CPT1B: variants seen among roughly 807,000 people sequenced by gnomAD.
CPT1B encodes carnitine O-palmitoyltransferase 1, muscle isoform.
Under a neutral mutation model 92.7 loss-of-function variants are expected in CPT1B, and 57 were observed. The ratio of observed to expected loss-of-function variants is 0.62; its 90% confidence interval spans 0.50 to 0.77. The LOEUF is 0.77. Ranked by LOEUF, CPT1B falls within the 30% of genes least tolerant of loss-of-function variation. The pLI, the probability that CPT1B is intolerant of heterozygous loss-of-function variation, is 0.00. For missense variants in CPT1B, 983 were observed against 1,017.4 expected, an observed-to-expected ratio of 0.97 and a Z score of 0.46; for synonymous variants, 398 against 383.5, an observed-to-expected ratio of 1.04 and a Z score of -0.44.
chr22:50,577,055 C>T, intron 3 of CPT1B, 21 bp from the exon 4 acceptor site: 1 of 1,611,502 alleles, frequency 6.2e-7, no homozygotes, highest in Non-Finnish European at 8.5e-7. Flanking sequence ...GGGGCAAGGG[C>T]TGCAGGGGGT....
In CPT1B at chr22:50,573,810, T is replaced by C; in HGVS notation, c.971-95A>G. 8.5e-7 allele frequency: 1 copy of C among 1,181,434 alleles called. No individual in the cohort carries two copies. The highest frequency in any genetic ancestry group is 1.2e-6 in the Non-Finnish European group (1 of 809,382). 73.2% of individuals were successfully genotyped at this position (1,181,434 alleles called of 1,614,324 possible). A position where few individuals can be genotyped will look rare whatever the true frequency, so the allele number is the denominator to read the frequency against. On this transcript the variant is annotated intron_variant, in intron 9 of 19. Coordinates refer to ENST00000312108, the MANE Select transcript of CPT1B (RefSeq NM_152246.3). The surrounding 1 kb of genome is among the most constrained non-coding windows in gnomAD (Gnocchi z 5.0). ...TGCACTAGGTGACCCCTGCAGACCC[T>C]GTTTTGCTCGGCCTCTGCCTGGGCC...
At chr22:50,576,660 T>C in intron 4 of CPT1B, 23 bp from the exon 5 acceptor site, 1 of 1,607,116 alleles carries the variant, frequency 6.2e-7, no homozygotes, top group East Asian at 2.2e-5. Context: ...AGCAGAGTGC[T>C]GGGGTGGGAG....
intron 1 of CPT1B, 105 bp downstream of exon 1, chr22:50,578,281 C>T (rs1413708943): frequency 6.5e-6 from 1 of 152,674 alleles, no homozygotes; most frequent in African/African-American, 2.4e-5. Flanking sequence ...GTTCGGGAGC[C>T]CGCCCTTCCC....
Position 50,574,411 on chromosome 22 carries a change from T to A in CPT1B, c.894A>T (p.Ala298=). Residue 298 remains alanine, a synonymous_variant, in exon 9 of 20, where the codon GCA becomes GCT. Transcript: ENST00000312108. ...LDREEIKPVM[A]LGIVPMCSYQ... ...AGGAGCACATAGGCACTATGCCCAG[T>A]GCCATCACCTGAGGGAAGGCCCAGC... The A allele has an allele frequency of 6.2e-7, 1 of 1,614,080 alleles. No homozygotes were observed. The highest frequency in any genetic ancestry group is 8.5e-7 in the Non-Finnish European group (1 of 1,180,008).
chr22:50,576,243 C>T lies in CPT1B; in HGVS notation c.654G>A (p.Arg218=). 1 of 1,614,110 alleles carries T rather than the reference C, an allele frequency of 6.2e-7. No homozygotes were observed. Among genetic ancestry groups the T allele is most frequent in the Non-Finnish European group, 8.5e-7 (1 of 1,180,036 alleles). ...ACTTGAGCACCAGGTATTTCTGCAG[C>T]CTGGGGGCAGTCTTGTCCTGGAATT... ...AKEFQDKTAP[R]LQKYLVLKSW... Residue 218 remains arginine (R), a synonymous_variant, in exon 6 of 20, where the codon AGG becomes AGA. Transcript: ENST00000312108.
chr22:50,573,987 A>G lies in CPT1B; in HGVS notation c.971-272T>C, dbSNP rs1351249034. 7 of 700,120 alleles carry G rather than the reference A, an allele frequency of 1.0e-5. No homozygotes were observed. Among genetic ancestry groups the G allele is most frequent in the African/African-American group, 3.5e-5 (2 of 57,026 alleles). The allele number at this position is 700,120 out of a possible 1,614,324, so 43.4% of individuals were successfully genotyped here. On this transcript the variant is annotated intron_variant, in intron 9 of 19. Coordinates refer to ENST00000312108, the MANE Select transcript of CPT1B (RefSeq NM_152246.3). The surrounding 1 kb of genome is among the most constrained non-coding windows in gnomAD (Gnocchi z 5.0). ...GGTTGTGCAAACCGCCTAAGGATACAGTGTCAGAAGCAGGGAAGGCTGCTG... is the reference window on the plus strand; with the variant it reads ...GGTTGTGCAAACCGCCTAAGGATACGGTGTCAGAAGCAGGGAAGGCTGCTG...
intron 7 of CPT1B, 39 bp from the exon 8 acceptor site, chr22:50,574,639 C>G: frequency 2.6e-6 from 4 of 1,548,360 alleles, no homozygotes; most frequent in Non-Finnish European, 3.6e-6. Flanking sequence ...GGGCCTCTGT[C>G]TGGGTGTCAC....
At position 50,573,101 on chromosome 22, in the gene CPT1B, G is replaced by A; in HGVS notation, c.1167-41C>T. The A allele has an allele frequency of 6.5e-7, 1 of 1,546,568 alleles. No homozygotes were observed. The highest frequency in any genetic ancestry group is 8.8e-7 in the Non-Finnish European group (1 of 1,134,396). ...GGGTAAGCAGTGGGCACGTGGACTT[G>A]GGATGAGGGTGCCTCTGAGGGCCTG... On this transcript the variant is annotated intron_variant, in intron 10 of 19. Coordinates refer to ENST00000312108, the MANE Select transcript of CPT1B (RefSeq NM_152246.3). This position sits in a 1 kb window ranked among gnomAD's most constrained non-coding sequence, Gnocchi z 5.0.
At position 50,573,919 on chromosome 22, in the gene CPT1B, A is replaced by G; in HGVS notation, c.971-204T>C. On this transcript the variant is annotated intron_variant, in intron 9 of 19. Coordinates refer to ENST00000312108, the MANE Select transcript of CPT1B (RefSeq NM_152246.3). This position sits in a 1 kb window ranked among gnomAD's most constrained non-coding sequence, Gnocchi z 5.0. ...CACTCTCTCTCACGCAACACCAACA[A>G]TCCTATAAAGTATTTCACAGAAGAG... 4.2e-6 allele frequency: 3 copies of G among 712,916 alleles called. No homozygotes were observed. The highest frequency in any genetic ancestry group is 7.8e-6 in the Non-Finnish European group (3 of 383,136). 44.2% of individuals were successfully genotyped at this position (712,916 alleles called of 1,614,324 possible). A position where few individuals can be genotyped will look rare whatever the true frequency, so the allele number is the denominator to read the frequency against.
In CPT1B at chr22:50,572,083, C is replaced by T; in HGVS notation, c.1498G>A (p.Glu500Lys). The change falls in exon 13 of 20, where the codon GAG (glutamate) becomes AAG (lysine). Residue 500 changes from glutamate to lysine, a missense_variant. By Grantham distance (56) the Glu-to-Lys change is moderately conservative. Transcript: ENST00000312108. The part of the protein sequence containing the change: ...GTDSFHLGYT[E>K]TGHCLGKPNP... ...GGTTTGCCCAGGCAGTGCCCGGTCTCCGTGTAGCCCAGGTGGAAGCTGTCT... is the reference window on the plus strand; with the variant it reads ...GGTTTGCCCAGGCAGTGCCCGGTCTTCGTGTAGCCCAGGTGGAAGCTGTCT... The T allele has an allele frequency of 4.3e-6, 7 of 1,614,154 alleles. No individual in the cohort carries two copies. Among genetic ancestry groups the T allele is most frequent in the Non-Finnish European group, 5.9e-6 (7 of 1,180,020 alleles).
At chr22:50,577,583 G>A in intron 2 of CPT1B, 120 bp from the exon 3 acceptor site, 4 of 1,448,450 alleles carry the variant, frequency 2.8e-6, no homozygotes, top group Non-Finnish European at 3.7e-6. Context: ...ATGCCCTGCT[G>A]TGCTCCTTCC....
intron 1 of CPT1B, 30 bp from the exon 2 acceptor site, chr22:50,577,964 G>A (rs755276526): frequency 1.3e-6 from 2 of 1,551,162 alleles, no homozygotes; most frequent in East Asian, 2.3e-5. Flanking sequence ...GTGCGCGGGC[G>A]CGCTTAGGCC....
chr22:50,577,577 C>T, intron 2 of CPT1B, 114 bp from the exon 3 acceptor site: 2 of 1,463,812 alleles, frequency 1.4e-6, no homozygotes, highest in East Asian at 2.4e-5. Flanking sequence ...CTCCTGATGC[C>T]CTGCTGTGCT....
At position 50,576,589 on chromosome 22, in the gene CPT1B, G is replaced by A. The variant is rs745888678; in HGVS notation, c.508C>T (p.Gln170Ter). Residue 170 changes from glutamine (Q) to a stop codon, truncating the protein, a stop_gained, in exon 5 of 20, where the codon CAG becomes TAG. Coordinates refer to ENST00000312108, the MANE Select transcript of CPT1B (RefSeq NM_152246.3). LOFTEE classifies it high-confidence loss of function. Reference sequence around the variant, plus strand: ...ACAGGAAGCTTGGGCAGAGATGTCTGGAAGCTGTAGAGCATAGGGTGCCGG... The same window carrying A: ...ACAGGAAGCTTGGGCAGAGATGTCTAGAAGCTGTAGAGCATAGGGTGCCGG... ...SSRHPMLYSF[Q>*]TSLPKLPVPR... is the part of the protein sequence containing the mutation. 1 of 1,609,376 alleles carries A rather than the reference G, an allele frequency of 6.2e-7. No homozygotes were observed. Among genetic ancestry groups the A allele is most frequent in the Non-Finnish European group, 8.5e-7 (1 of 1,178,016 alleles).
intron 17 of CPT1B, 66 bp from the exon 18 acceptor site, chr22:50,569,734 T>G: frequency 7.4e-7 from 1 of 1,343,368 alleles, no homozygotes; most frequent in Non-Finnish European, 1.1e-6. Flanking sequence ...GCCAAGCTGA[T>G]ATTGTACTTG....
At position 50,577,002 on chromosome 22, in the gene CPT1B, GC is replaced by G. The variant is rs779962070; in HGVS notation, c.313del (p.Ala105HisfsTer14). The G allele has an allele frequency of 6.2e-7, 1 of 1,613,952 alleles. No individual in the cohort carries two copies. The highest frequency in any genetic ancestry group is 1.3e-5 in the African/African-American group (1 of 74,942). On this transcript the variant is annotated frameshift_variant, in exon 4 of 20. Transcript: ENST00000312108. LOFTEE classifies it high-confidence loss of function. ...GGAGAAGATGGCCATGCTGAGAAGT[GC>G]CCGGGTCTGCGGGGTCTGGTAGGGG... is the stretch of plus-strand genomic sequence containing the variant. The part of the protein sequence containing the change: ...CGPYQTPQTR[A>X]LLSMAIFSTG...
rs529454292 is a variant in CPT1B, at chr22:50,578,033, C to G, written c.-19-99G>C. On this transcript the variant is annotated intron_variant, in intron 1 of 19. Transcript: ENST00000312108. The stretch of plus-strand genomic sequence containing the variant: ...GCCAGTCCGCGACCCCTCGCGCCCC[C>G]CACCCCGCGACTAGCGGCTGCCCCC... 202 of 785,900 alleles carry G rather than the reference C, an allele frequency of 2.6e-4. 3 individuals carry two copies. The African/African-American group carries it at 3.2e-3, about 13-fold the overall frequency. The allele number at this position is 785,900 out of a possible 1,614,324, so 48.7% of individuals were successfully genotyped here. A position where few individuals can be genotyped will look rare whatever the true frequency, so the allele number is the denominator to read the frequency against.
At position 50,577,765 on chromosome 22, in the gene CPT1B, C is replaced by A; in HGVS notation, c.141+10G>T. 6.2e-7 allele frequency: 1 copy of A among 1,611,304 alleles called. No homozygotes were observed. Among genetic ancestry groups the A allele is most frequent in the Non-Finnish European group, 8.5e-7 (1 of 1,177,824 alleles). On this transcript the variant is annotated intron_variant, in intron 2 of 19. Transcript: ENST00000312108. ...TCTGCCTACGCTCTGGGAGAAGCAC[C>A]TGTGCGCACCTTGATGCGGATCAGG...
chr22:50,574,304 C>G (rs1349069969), intron 9 of CPT1B, 31 bp downstream of exon 9: 7 of 1,579,812 alleles, frequency 4.4e-6, no homozygotes, highest in African/African-American at 1.3e-5. Flanking sequence ...AGCCAGATGG[C>G]CCACAGGTAG....
Sources: allele counts gnomAD v4.1 joint callset, GRCh38; gene constraint gnomAD v4.1.1; non-coding constraint Gnocchi (gnomAD v3.1); transcripts MANE v1.5; gene names NCBI Gene and HGNC (gene_info 2026-07-23, HGNC 2026-07-21).